CA10: variants seen among roughly 807,000 people sequenced by gnomAD.
The protein encoded by CA10 is carbonic anhydrase-related protein 10.
In CA10, 14 loss-of-function variants were observed where a neutral mutation model predicts 44.2. The ratio of observed to expected loss-of-function variants is 0.32; its 90% CI spans 0.21 to 0.50. The LOEUF is 0.50. Among genes scored for constraint, CA10 ranks in the 20% least tolerant of loss-of-function variants. The pLI is 0.99. For missense variants in CA10, 350 were observed against 409.7 expected (o/e 0.85, Z 1.26); for synonymous variants, 159 against 141.6 (o/e 1.12, Z -0.87).
intron 4 of CA10, among the ~76,000 whole-genome samples, chr17:51,746,813 T>A (rs976770590): frequency 6.6e-6 from 1 of 152,212 alleles, no homozygotes; most frequent in African/African-American, 2.4e-5. Flanking sequence ...AGGCCAGATT[T>A]ATACATGATC....
At chr17:51,811,189 C>T (rs1390719861) in intron 3 of CA10, among the ~76,000 whole-genome samples, 2 of 88,880 alleles carry the variant, frequency 2.3e-5, no homozygotes, top group African/African-American at 6.7e-5. Flanking sequence ...GACTCCATCT[C>T]GAAAAAAAAA....
At chr17:52,019,039 C>T (rs1367099437) in intron 2 of CA10, among the ~76,000 whole-genome samples, 1 of 152,082 alleles carries the variant, frequency 6.6e-6, no homozygotes, top group Non-Finnish European at 1.5e-5. Context: ...ACTTTCCTTC[C>T]ACCATGATTG....
chr17:51,842,530 T>A (rs1598075917), intron 3 of CA10, among the ~76,000 whole-genome samples: 2 of 152,132 alleles, frequency 1.3e-5, no homozygotes, highest in African/African-American at 4.8e-5. Flanking sequence ...AGTTTTAGAG[T>A]GAGCAGTCAT....
intron 3 of CA10, among the ~76,000 whole-genome samples, chr17:51,835,072 G>T (rs1908425699): frequency 6.6e-6 from 1 of 152,138 alleles, no homozygotes; most frequent in Non-Finnish European, 1.5e-5. Context: ...AGCAGCAAAA[G>T]CAATCTGACC....
intron 2 of CA10, among the ~76,000 whole-genome samples, chr17:52,011,955 A>G (rs1567702108): frequency 6.6e-6 from 1 of 152,036 alleles, no homozygotes; most frequent in Non-Finnish European, 1.5e-5. Flanking sequence ...AAAATGGCAG[A>G]ATAGTCTGTG....
intron 4 of CA10, among the ~76,000 whole-genome samples, chr17:51,724,845 G>A (rs761554650): frequency 2.6e-5 from 4 of 152,090 alleles, no homozygotes; most frequent in East Asian, 1.9e-4. Flanking sequence ...TCCCCAGGGC[G>A]CAGCACATTG....
chr17:52,106,483 A>T (rs1417466750), intron 1 of CA10, among the ~76,000 whole-genome samples: 1 of 152,236 alleles, frequency 6.6e-6, no homozygotes, highest in African/African-American at 2.4e-5. Context: ...GGAAGAGTAT[A>T]GCTTTTCGTT....
chr17:51,774,986 A>T (rs1045353459), intron 3 of CA10, among the ~76,000 whole-genome samples: 3 of 152,002 alleles, frequency 2.0e-5, no homozygotes, highest in African/African-American at 7.2e-5. Context: ...CCTCTTACAG[A>T]TGGGTAAGCA....
At chr17:52,113,981 G>T (rs1988838825) in intron 1 of CA10, among the ~76,000 whole-genome samples, 1 of 152,158 alleles carries the variant, frequency 6.6e-6, no homozygotes, top group South Asian at 2.1e-4. Flanking sequence ...CAGGAGGATG[G>T]GATGGGGTCC....
At chr17:52,015,715 T>C (rs557804473) in intron 2 of CA10, among the ~76,000 whole-genome samples, 1 of 152,218 alleles carries the variant, frequency 6.6e-6, no homozygotes, top group African/African-American at 2.4e-5. Flanking sequence ...TCACCATTTC[T>C]TCAAGAAATG....
intron 3 of CA10, among the ~76,000 whole-genome samples, chr17:51,836,740 A>G (rs2143796335): frequency 6.6e-6 from 1 of 152,350 alleles, no homozygotes; most frequent in South Asian, 2.1e-4. Flanking sequence ...AAATAACCGC[A>G]TATAACATGT....
intron 3 of CA10, among the ~76,000 whole-genome samples, chr17:51,826,067 A>G (rs1023252415): frequency 5.3e-5 from 8 of 152,226 alleles, no homozygotes; most frequent in Admixed American, 5.2e-4. Flanking sequence ...AAGTGGGTAC[A>G]GAGGAATGGG....
chr17:52,060,656 T>C (rs750477907), intron 2 of CA10, among the ~76,000 whole-genome samples: 61 of 152,040 alleles, frequency 4.0e-4, no homozygotes, highest in Admixed American at 1.3e-4. Flanking sequence ...AGAGAGAAGA[T>C]AGATTTGTGT....
At chr17:51,870,199 G>A (rs1979738965) in intron 3 of CA10, among the ~76,000 whole-genome samples, 1 of 152,216 alleles carries the variant, frequency 6.6e-6, no homozygotes, top group Non-Finnish European at 1.5e-5. Flanking sequence ...GTCAATGACT[G>A]ATTATACTTA....
chr17:51,765,264 G>A (rs757172982), intron 3 of CA10, among the ~76,000 whole-genome samples: 2 of 152,120 alleles, frequency 1.3e-5, no homozygotes, highest in Admixed American at 1.3e-4. Context: ...CTATCTCATC[G>A]TGGGCTGTTT....
chr17:51,928,552 C>T (rs1353636247), intron 3 of CA10, among the ~76,000 whole-genome samples: 1 of 152,112 alleles, frequency 6.6e-6, no homozygotes, highest in African/African-American at 2.4e-5. Flanking sequence ...ATAAGATACA[C>T]TTGAACACCA....
At chr17:51,644,499 C>T (rs1369334352) in intron 6 of CA10, among the ~76,000 whole-genome samples, 1 of 152,144 alleles carries the variant, frequency 6.6e-6, no homozygotes, top group Non-Finnish European at 1.5e-5. Flanking sequence ...CATCTGGATG[C>T]CAACGTCTTC....
chr17:51,654,533 T>A (rs1038370041), intron 4 of CA10, among the ~76,000 whole-genome samples: 5 of 151,044 alleles, frequency 3.3e-5, no homozygotes, highest in African/African-American at 1.2e-4. Flanking sequence ...TTAAAACAGT[T>A]TTTTCTTAAC....
At chr17:51,667,402 T>C (rs995732571) in intron 4 of CA10, among the ~76,000 whole-genome samples, 1 of 152,176 alleles carries the variant, frequency 6.6e-6, no homozygotes, top group African/African-American at 2.4e-5. Context: ...ACTTCCATCA[T>C]GATGTCAATC....
Sources: allele counts gnomAD v4.1 joint callset (sites outside exome capture counted in the v4.1 genomes callset), GRCh38; gene constraint gnomAD v4.1.1; transcripts MANE v1.5; gene names NCBI Gene and HGNC (gene_info 2026-07-23, HGNC 2026-07-21).